ZNF385D: variants seen among roughly 807,000 people sequenced by gnomAD.
ZNF385D encodes the protein zinc finger protein 385D.
Under a neutral mutation model 35.8 loss-of-function variants are expected in ZNF385D, and 15 were observed. The observed-to-expected ratio is 0.42, with a 90% CI of 0.28 to 0.64. The LOEUF is 0.64. ZNF385D is among the 30% of genes least tolerant of loss of function. The pLI is 0.23. For synonymous variants in ZNF385D, 212 were observed against 186.8 expected, an observed-to-expected ratio of 1.13 and a Z score of -1.10; for missense variants, 474 against 494.6, an observed-to-expected ratio of 0.96 and a Z score of 0.39.
At chr3:21,876,966 A>T (rs1055741646) in intron 3 of ZNF385D, among the ~76,000 whole-genome samples, 2 of 152,052 alleles carry the variant, frequency 1.3e-5, no homozygotes, top group Admixed American at 1.3e-4. Context: ...TCCCATTCCA[A>T]GGAAGGATTA....
At chr3:22,013,258 T>TA (rs137955835) in intron 3 of ZNF385D, among the ~76,000 whole-genome samples, 7,936 of 152,160 alleles carry the variant, frequency 0.052, 307 homozygotes, top group East Asian at 0.16. Context: ...CCTCTAGATT[T>TA]AAAAATGTAA....
At chr3:22,292,848 G>A (rs544872342) in intron 2 of ZNF385D, among the ~76,000 whole-genome samples, 14 of 152,114 alleles carry the variant, frequency 9.2e-5, no homozygotes, top group Admixed American at 6.6e-5. Context: ...AAAAGAGAGA[G>A]AGAATTTTAA....
chr3:22,067,464 T>A (rs892071094), intron 3 of ZNF385D, among the ~76,000 whole-genome samples: 1 of 152,198 alleles, frequency 6.6e-6, no homozygotes, highest in Non-Finnish European at 1.5e-5. Flanking sequence ...ATTTGTATAA[T>A]ATAGTTTCTG....
At chr3:21,754,047 C>A (rs181209860), upstream of ZNF385D, among the ~76,000 whole-genome samples, 26 of 152,272 alleles carry the variant, frequency 1.7e-4, no homozygotes, top group East Asian at 1.9e-3. Context: ...GAATAGTATT[C>A]CATTATGTAT....
chr3:22,256,877 T>C (rs1267576723), intron 2 of ZNF385D, among the ~76,000 whole-genome samples: 2 of 151,902 alleles, frequency 1.3e-5, no homozygotes, highest in African/African-American at 4.8e-5. Context: ...CACAAGTAAA[T>C]GTATGATGTC....
At chr3:21,673,233 A>G (rs778722540) in intron 1 of ZNF385D, among the ~76,000 whole-genome samples, 4 of 152,170 alleles carry the variant, frequency 2.6e-5, no homozygotes, top group African/African-American at 4.8e-5. Flanking sequence ...TTTAAATTTG[A>G]ATGAATTAAA....
chr3:22,047,859 C>T (rs1320310218), intron 3 of ZNF385D, among the ~76,000 whole-genome samples: 2 of 152,056 alleles, frequency 1.3e-5, no homozygotes, highest in South Asian at 2.1e-4. Flanking sequence ...TTTACTTTCC[C>T]ACCATTCAGA....
At chr3:22,028,447 G>A (rs557223035) in intron 3 of ZNF385D, among the ~76,000 whole-genome samples, 3 of 152,156 alleles carry the variant, frequency 2.0e-5, no homozygotes, top group Non-Finnish European at 4.4e-5. Context: ...CTGGATGCCC[G>A]ATTTGCCAGC....
At chr3:21,597,783 A>G (rs541780761) in intron 2 of ZNF385D, among the ~76,000 whole-genome samples, 2 of 152,324 alleles carry the variant, frequency 1.3e-5, no homozygotes, top group South Asian at 4.1e-4. Context: ...CTCACCAAAC[A>G]TCTTGAGTAT....
chr3:21,614,156 G>C (rs1244877665), intron 2 of ZNF385D, among the ~76,000 whole-genome samples: 1 of 152,164 alleles, frequency 6.6e-6, no homozygotes, highest in Admixed American at 6.5e-5. Flanking sequence ...ATTTCTCACA[G>C]TTCTGGAGGC....
chr3:22,086,449 A>C (rs1215084702), intron 3 of ZNF385D, among the ~76,000 whole-genome samples: 5 of 152,200 alleles, frequency 3.3e-5, no homozygotes, highest in Non-Finnish European at 7.3e-5. Flanking sequence ...CCCATTCACA[A>C]TTGCTTCAAA....
rs767903521 is a variant in ZNF385D at position 21,544,691 on chromosome 3, C to T, written c.276+19883G>A. 4.1e-4 allele frequency among the ~76,000 whole-genome samples: 63 copies of T among 152,230 alleles called. 1 individual carries two copies. Among genetic ancestry groups the T allele is most frequent in the East Asian group, 3.9e-3 (20 of 5,172 alleles). On this transcript the variant is annotated intron_variant, in intron 3 of 7. Coordinates refer to ENST00000281523, the MANE Select transcript of ZNF385D (RefSeq NM_024697.3). The stretch of plus-strand genomic sequence containing the variant: ...ATTCTTAAAATGCTAATCTGGTCTT[C>T]GGCAAAATTTATAAAGATTCATGAA...
intron 2 of ZNF385D, among the ~76,000 whole-genome samples, chr3:21,629,936 T>C (rs988627399): frequency 6.6e-6 from 1 of 152,138 alleles, no homozygotes; most frequent in Non-Finnish European, 1.5e-5. Context: ...TTTACTGCAA[T>C]GATATGGTTA....
intron 2 of ZNF385D, among the ~76,000 whole-genome samples, chr3:21,584,301 A>G (rs2063750681): frequency 1.3e-5 from 2 of 152,116 alleles, no homozygotes; most frequent in South Asian, 2.1e-4. Flanking sequence ...TAAATGTTCA[A>G]AAACTTTCTA....
At chr3:21,556,376 A>T (rs528871377) in intron 3 of ZNF385D, among the ~76,000 whole-genome samples, 1 of 152,058 alleles carries the variant, frequency 6.6e-6, no homozygotes, top group Non-Finnish European at 1.5e-5. Context: ...TAAGTCTTTA[A>T]TCCATTGTGA....
chr3:22,050,614 AC>A (rs1699291957), intron 3 of ZNF385D, among the ~76,000 whole-genome samples: 1 of 152,130 alleles, frequency 6.6e-6, no homozygotes, highest in African/African-American at 2.4e-5. Flanking sequence ...TTAATTTCTG[AC>A]TAAATGTAAC....
At chr3:22,033,813 T>C (rs1559319765) in intron 3 of ZNF385D, among the ~76,000 whole-genome samples, 1 of 152,186 alleles carries the variant, frequency 6.6e-6, no homozygotes, top group Non-Finnish European at 1.5e-5. Context: ...ATCTTTACTG[T>C]TCACTTCAGT....
At chr3:21,498,879 G>A (rs185139686) in intron 4 of ZNF385D, among the ~76,000 whole-genome samples, 36 of 145,862 alleles carry the variant, frequency 2.5e-4, no homozygotes, top group African/African-American at 8.8e-4. Flanking sequence ...GGAGGTAGAG[G>A]TTGCAGTGAG....
intron 1 of ZNF385D, among the ~76,000 whole-genome samples, chr3:21,726,700 T>C (rs1261309375): frequency 6.6e-6 from 1 of 152,172 alleles, no homozygotes; most frequent in Non-Finnish European, 1.5e-5. Flanking sequence ...AAAGTTTGCA[T>C]GCTCATGGAT....
Sources: allele counts gnomAD v4.1 joint callset (sites outside exome capture counted in the v4.1 genomes callset), GRCh38; gene constraint gnomAD v4.1.1; transcripts MANE v1.5; gene names NCBI Gene and HGNC (gene_info 2026-07-23, HGNC 2026-07-21).